Variants in HOOK3 observed in about 807,000 individuals in gnomAD.
HOOK3 encodes protein Hook homolog 3.
HOOK3 carries 24 observed loss-of-function variants against 116.3 expected under a neutral mutation model. The ratio of observed to expected loss-of-function variants is 0.21; its 90% CI spans 0.15 to 0.29. HOOK3 has a LOEUF of 0.29. Ranked by LOEUF, HOOK3 falls within the 10% of genes least tolerant of loss-of-function variation. HOOK3 has a pLI of 1.00. For missense variants in HOOK3, 632 were observed against 830.2 expected (o/e 0.76, Z 2.93); for synonymous variants, 275 against 283.0 (o/e 0.97, Z 0.28).
chr8:42,940,249 G>T (rs1808081386), intron 4 of HOOK3, among the ~76,000 whole-genome samples: 1 of 152,258 alleles, frequency 6.6e-6, no homozygotes, highest in South Asian at 2.1e-4. Flanking sequence ...GGAGGCCGAG[G>T]CTGGCGGATC....
intron 15 of HOOK3, among the ~76,000 whole-genome samples, chr8:42,996,385 C>CAAAAAAAAAAA (rs529268164): frequency 5.4e-5 from 3 of 55,932 alleles, no homozygotes; most frequent in African/African-American, 5.8e-5. Context: ...GACTCCGTCT[C>CAAAAAAAAAAA]AAAAAAAAAA....
At chr8:42,931,462 C>T (rs190664495) in intron 4 of HOOK3, among the ~76,000 whole-genome samples, 2,327 of 130,104 alleles carry the variant, frequency 0.018, 35 homozygotes, top group Middle Eastern at 0.043. Flanking sequence ...GACGGAGTCT[C>T]GCTCTGTCAC....
At chr8:42,950,978 C>A (rs1808328088) in intron 6 of HOOK3, among the ~76,000 whole-genome samples, 1 of 152,100 alleles carries the variant, frequency 6.6e-6, no homozygotes, top group Non-Finnish European at 1.5e-5. Flanking sequence ...AGCCATCACG[C>A]CCGGCCGACT....
chr8:42,992,710 CAAAAAAAAAAAAAA>C (rs35064772), intron 15 of HOOK3, among the ~76,000 whole-genome samples: 2 of 56,594 alleles, frequency 3.5e-5, no homozygotes, highest in Admixed American at 3.8e-4. Context: ...GACTCCATCT[CAAAAAAAAAAAAAA>C]AAAAAAAGAA....
At chr8:43,018,111 T>C (rs535153841) in intron 21 of HOOK3, among the ~76,000 whole-genome samples, 3 of 152,364 alleles carry the variant, frequency 2.0e-5, no homozygotes, top group African/African-American at 7.2e-5. Context: ...AAAGTCTGTC[T>C]CTATCATCTG....
Position 43,027,626 on chromosome 8 carries a change from G to A in HOOK3, c.*9128G>A, listed in dbSNP as rs372024794. 1.8e-3 allele frequency: 418 copies of A among 228,012 alleles called. 2 individuals carry two copies. The highest frequency in any genetic ancestry group is 3.2e-3 in the South Asian group (31 of 9,558). The allele number at this position is 228,012 out of a possible 1,614,324, so 14.1% of individuals were successfully genotyped here. Reference sequence around the variant, plus strand: ...TTAAAAGTGAAACATAACACATAAGGACGAAATACAATGTTCTGAATATCT... The same window carrying A: ...TTAAAAGTGAAACATAACACATAAGAACGAAATACAATGTTCTGAATATCT... On this transcript the variant is annotated 3_prime_UTR_variant, in exon 22 of 22. Transcript: ENST00000307602.
At chr8:43,008,461 G>A (rs1809536517) in intron 18 of HOOK3, among the ~76,000 whole-genome samples, 1 of 151,762 alleles carries the variant, frequency 6.6e-6, no homozygotes, top group African/African-American at 2.4e-5. Flanking sequence ...TGTGATACAG[G>A]CATGAGCCAC....
intron 17 of HOOK3, among the ~76,000 whole-genome samples, chr8:43,004,446 C>T (rs1162010913): frequency 2.0e-5 from 3 of 150,416 alleles, no homozygotes; most frequent in East Asian, 3.9e-4. Context: ...TTTGGGAGGC[C>T]GAGGCAGGTG....
chr8:42,923,176 CT>C (rs1807694452), intron 2 of HOOK3, among the ~76,000 whole-genome samples: 2 of 152,164 alleles, frequency 1.3e-5, no homozygotes, highest in Admixed American at 1.3e-4. Context: ...TTCACAACCA[CT>C]AGGAGGGCTA....
intron 1 of HOOK3, 36 bp downstream of exon 1, chr8:42,897,224 TC>T (rs1393573375): frequency 1.2e-5 from 15 of 1,207,908 alleles, no homozygotes; most frequent in Admixed American, 4.3e-5. Flanking sequence ...GAAGACCCCC[TC>T]CCCCCGCCAC....
At chr8:42,911,190 G>A (rs1255405895) in intron 2 of HOOK3, among the ~76,000 whole-genome samples, 3 of 152,182 alleles carry the variant, frequency 2.0e-5, no homozygotes. Flanking sequence ...GGTGGCTCAC[G>A]CCTGTAATCC....
chr8:43,025,477 C>G lies in HOOK3; in HGVS notation c.*6979C>G. 4.7e-6 allele frequency: 1 copy of G among 213,514 alleles called. No individual in the cohort carries two copies. The highest frequency in any genetic ancestry group is 9.5e-6 in the Non-Finnish European group (1 of 105,540). 13.2% of individuals were successfully genotyped at this position (213,514 alleles called of 1,614,324 possible). On this transcript the variant is annotated 3_prime_UTR_variant, in exon 22 of 22. Coordinates refer to ENST00000307602, the MANE Select transcript of HOOK3 (RefSeq NM_032410.4). ...ATTATCTAAACAGATGTTCCCAAAG[C>G]AATAGTTTGCCTAAAATCCTCTGTA...
At chr8:43,006,798 A>G (rs1232883127) in intron 17 of HOOK3, among the ~76,000 whole-genome samples, 1 of 152,180 alleles carries the variant, frequency 6.6e-6, no homozygotes, top group Non-Finnish European at 1.5e-5. Flanking sequence ...AAAGATCAGA[A>G]AGACGTAAAG....
intron 5 of HOOK3, among the ~76,000 whole-genome samples, chr8:42,947,180 G>A (rs1808246436): frequency 6.6e-6 from 1 of 152,128 alleles, no homozygotes; most frequent in Admixed American, 6.5e-5. Context: ...TCTAACAAGT[G>A]TTCTGTCAAA....
intron 2 of HOOK3, among the ~76,000 whole-genome samples, chr8:42,921,084 G>A (rs1316069533): frequency 1.3e-5 from 2 of 151,908 alleles, no homozygotes; most frequent in Non-Finnish European, 2.9e-5. Context: ...TTCATAAGGT[G>A]TATTACTCTA....
chr8:42,934,144 G>A (rs1218799684), intron 4 of HOOK3, among the ~76,000 whole-genome samples: 1 of 151,222 alleles, frequency 6.6e-6, no homozygotes, highest in African/African-American at 2.4e-5. Flanking sequence ...GAACCGCCTG[G>A]GTTAATCCTT....
At chr8:43,009,548 G>A (rs1040241088) in intron 18 of HOOK3, among the ~76,000 whole-genome samples, 5 of 152,084 alleles carry the variant, frequency 3.3e-5, no homozygotes, top group African/African-American at 1.2e-4. Flanking sequence ...GTAGTTCCAT[G>A]TAAGTCATCC....
At chr8:42,964,561 C>T (rs1300404847) in intron 9 of HOOK3, 87 bp downstream of exon 9, 13 of 1,192,996 alleles carry the variant, frequency 1.1e-5, no homozygotes, top group Non-Finnish European at 1.5e-5. Context: ...GCACATTGGT[C>T]CATGCCTGGA....
intron 2 of HOOK3, among the ~76,000 whole-genome samples, chr8:42,906,862 A>G (rs1807321600): frequency 6.6e-6 from 1 of 152,192 alleles, no homozygotes; most frequent in South Asian, 2.1e-4. Flanking sequence ...GTTGAACCAT[A>G]TGAAATTGCT....
Sources: gnomAD v4.1 joint callset for allele counts (sites outside exome capture counted in the v4.1 genomes callset) on GRCh38, gnomAD v4.1.1 for gene constraint, MANE v1.5 for transcripts, NCBI Gene and HGNC (gene_info 2026-07-23, HGNC 2026-07-21) for gene names.